ATG4C: variants seen among roughly 807,000 people sequenced by gnomAD.
ATG4C encodes cysteine protease ATG4C.
Under a neutral mutation model 57.6 loss-of-function variants are expected in ATG4C, and 56 were observed. The ratio of observed to expected loss-of-function variants is 0.97; its 90% confidence interval spans 0.78 to 1.21. The LOEUF (loss-of-function observed/expected upper bound fraction) is 1.21, where lower values mean the gene tolerates loss of function less well. Among genes scored for constraint, ATG4C ranks in the 50% most tolerant of loss-of-function variants. The probability of loss-of-function intolerance (pLI) is 0.00; values close to 1 mark genes in which losing one functional copy is unlikely to be tolerated. For synonymous variants in ATG4C, 157 were observed against 174.1 expected, an observed-to-expected ratio of 0.90 and a Z score of 0.78; for missense variants, 595 against 529.8, an observed-to-expected ratio of 1.12 and a Z score of -1.21.
intron 1 of ATG4C, among the ~76,000 whole-genome samples, chr1:62,801,269 C>T (rs1054405916): frequency 4.6e-5 from 7 of 152,176 alleles, no homozygotes; most frequent in African/African-American, 1.7e-4. Context: ...CTTTCATTCT[C>T]GTTTATGCGT....
chr1:62,788,457 A>ACC lies in ATG4C; in HGVS notation c.-69+4185_-69+4186insCC, dbSNP rs1374645844. On this transcript the variant is annotated intron_variant, in intron 1 of 10. Transcript: ENST00000317868. ...CACACACACACACACACACACACAC[A>ACC]CACCTTTTTTTCTTGCTGAACTATT... Among the ~76,000 whole-genome samples, 3 of 146,222 alleles carry ACC rather than the reference A, an allele frequency of 2.1e-5. No individual in the cohort carries two copies. The Admixed American group carries it at 2.1e-4, about 10-fold the overall frequency.
intron 10 of ATG4C, among the ~76,000 whole-genome samples, chr1:62,842,579 C>T (rs1365328785): frequency 6.6e-6 from 1 of 152,026 alleles, no homozygotes; most frequent in East Asian, 1.9e-4. Flanking sequence ...CTTATTACTG[C>T]TTTATTTCCA....
intron 10 of ATG4C, among the ~76,000 whole-genome samples, chr1:62,855,765 G>A (rs770754318): frequency 4.0e-4 from 61 of 152,172 alleles, no homozygotes; most frequent in Non-Finnish European, 8.1e-4. Flanking sequence ...AGGTTTAGCA[G>A]TGTTGACAAA....
At chr1:62,851,024 C>T (rs963218333) in intron 10 of ATG4C, among the ~76,000 whole-genome samples, 4 of 151,014 alleles carry the variant, frequency 2.6e-5, no homozygotes, top group African/African-American at 9.7e-5. Context: ...GTGCTTAGCA[C>T]TGGCTATCAC....
intron 2 of ATG4C, among the ~76,000 whole-genome samples, chr1:62,804,821 C>G (rs1196769166): frequency 6.6e-6 from 1 of 152,154 alleles, no homozygotes; most frequent in Non-Finnish European, 1.5e-5. Flanking sequence ...TCAGGAAAAA[C>G]ACAATTGGCA....
intron 10 of ATG4C, among the ~76,000 whole-genome samples, chr1:62,845,142 T>A (rs1248886686): frequency 1.3e-5 from 2 of 152,024 alleles, no homozygotes; most frequent in African/African-American, 4.8e-5. Context: ...ACAGTGGAAT[T>A]TCTGGGTCAT....
intron 6 of ATG4C, among the ~76,000 whole-genome samples, chr1:62,822,009 C>T (rs1665498522): frequency 6.6e-6 from 1 of 152,074 alleles, no homozygotes; most frequent in East Asian, 1.9e-4. Flanking sequence ...ATTAGGAATG[C>T]TCAACCTGTA....
In ATG4C at chr1:62,865,268, CAA is replaced by C. The variant is rs1354926879; in HGVS notation, c.*1110_*1111del. The stretch of plus-strand genomic sequence containing the variant: ...ATAAATGCATATATTGCTCTGAAAA[CAA>C]TATTAATTTTTTTAAGTGGAGCTTT... On this transcript the variant is annotated 3_prime_UTR_variant, in exon 11 of 11. Coordinates refer to ENST00000317868, the MANE Select transcript of ATG4C (RefSeq NM_032852.4). 9.2e-5 allele frequency: 14 copies of C among 151,766 alleles called. No individual in the cohort carries two copies. Among genetic ancestry groups the C allele is most frequent in the African/African-American group, 2.9e-4 (12 of 41,376 alleles). The allele number at this position is 151,766 out of a possible 1,614,324, so 9.4% of individuals were successfully genotyped here.
chr1:62,856,132 G>T (rs1186906454), intron 10 of ATG4C, among the ~76,000 whole-genome samples: 1 of 152,172 alleles, frequency 6.6e-6, no homozygotes. Context: ...GTGGTACACA[G>T]TTTCCCATGC....
chr1:62,821,154 A>C lies in ATG4C; in HGVS notation c.741A>C (p.Glu247Asp). The change falls in exon 6 of 11, where the codon GAA (glutamate) becomes GAC (aspartate). Residue 247 changes from glutamate to aspartate, a missense_variant. By Grantham distance (45) the Glu-to-Asp change is conservative. Transcript: ENST00000317868. ...ATTTTCTCAGAAAAGCAGTTGAAGAAGCAAGGCATCCTGATTTACAAGGAA... is the reference window on the plus strand; with the variant it reads ...ATTTTCTCAGAAAAGCAGTTGAAGACGCAAGGCATCCTGATTTACAAGGAA... The part of the protein sequence containing the change: ...VAHILRKAVE[E>D]ARHPDLQGIT... The C allele has an allele frequency of 6.2e-7, 1 of 1,601,996 alleles. No homozygotes were observed.
chr1:62,788,732 A>G (rs1269228822), intron 1 of ATG4C, among the ~76,000 whole-genome samples: 3 of 152,180 alleles, frequency 2.0e-5, no homozygotes, highest in African/African-American at 7.2e-5. Context: ...TTTAGTACTT[A>G]TATGTCTATT....
At chr1:62,849,457 T>A (rs1311288605) in intron 10 of ATG4C, among the ~76,000 whole-genome samples, 1 of 152,174 alleles carries the variant, frequency 6.6e-6, no homozygotes, top group African/African-American at 2.4e-5. Flanking sequence ...TCTCAAGACT[T>A]AAATTGTTTT....
chr1:62,824,133 C>CAT (rs1395897877), intron 6 of ATG4C, among the ~76,000 whole-genome samples: 2 of 152,044 alleles, frequency 1.3e-5, no homozygotes, highest in Non-Finnish European at 2.9e-5. Context: ...ATATACCTTA[C>CAT]ATATATATTG....
At chr1:62,848,150 T>TTTTGTTTG (rs56692911) in intron 10 of ATG4C, among the ~76,000 whole-genome samples, 3 of 151,692 alleles carry the variant, frequency 2.0e-5, no homozygotes, top group Middle Eastern at 3.4e-3. Flanking sequence ...TTAAGTTCTT[T>TTTTGTTTG]TTTGTTTGTT....
At chr1:62,805,340 A>G (rs1664843553) in intron 3 of ATG4C, 85 bp downstream of exon 3, 2 of 1,350,704 alleles carry the variant, frequency 1.5e-6, no homozygotes, top group African/African-American at 1.5e-5. Context: ...AGATTAATCT[A>G]CTTTTGCAGT....
chr1:62,816,478 T>G, intron 3 of ATG4C, 97 bp from the exon 4 acceptor site: 1 of 779,004 alleles, frequency 1.3e-6, no homozygotes, highest in Non-Finnish European at 1.9e-6. Flanking sequence ...ATTGGAAAGA[T>G]TGTGACATAC....
chr1:62,816,700 C>A lies in ATG4C; in HGVS notation c.286C>A (p.Pro96Thr). Residue 96 changes from proline (P) to threonine (T), a missense_variant, in exon 4 of 11, where the codon CCT becomes ACT. Physicochemically the swap from Pro to Thr is conservative, Grantham distance 38. Transcript: ENST00000317868. The part of the protein sequence containing the change: ...RIWLTYREEF[P>T]QIEGSALTTD... ...ATGGCTGACCTACAGGGAAGAATTC[C>A]CTCAAATAGAAGGCTCAGCTTTGAC... 6.2e-7 allele frequency: 1 copy of A among 1,613,764 alleles called. No homozygotes were observed. Among genetic ancestry groups the A allele is most frequent in the South Asian group, 1.1e-5 (1 of 91,064 alleles).
intron 1 of ATG4C, among the ~76,000 whole-genome samples, chr1:62,799,428 A>G (rs576137131): frequency 8.5e-5 from 13 of 152,188 alleles, no homozygotes; most frequent in Non-Finnish European, 1.3e-4. Context: ...ATAGTTAAGG[A>G]TGTGTCCCAG....
chr1:62,849,869 C>T (rs1384613985), intron 10 of ATG4C, among the ~76,000 whole-genome samples: 3 of 152,014 alleles, frequency 2.0e-5, no homozygotes, highest in African/African-American at 4.8e-5. Context: ...ATACAAGCTA[C>T]GCCATTATGA....
Sources: allele counts gnomAD v4.1 joint callset (sites outside exome capture counted in the v4.1 genomes callset), GRCh38; gene constraint gnomAD v4.1.1; transcripts MANE v1.5; gene names NCBI Gene and HGNC (gene_info 2026-07-23, HGNC 2026-07-21).